LRP6: variants seen among roughly 807,000 people sequenced by gnomAD.
LRP6 encodes the protein LDL receptor related protein 6.
Under a neutral mutation model 184.1 loss-of-function variants are expected in LRP6, and 43 were observed. The observed-to-expected ratio is 0.23, with a 90% confidence interval of 0.18 to 0.30. The LOEUF (loss-of-function observed/expected upper bound fraction) is 0.30. Among genes scored for constraint, LRP6 ranks in the 10% least tolerant of loss-of-function variants. The pLI, the probability that LRP6 is intolerant of heterozygous loss-of-function variation, is 1.00. For synonymous variants in LRP6, 719 were observed against 684.9 expected (o/e 1.05, Z -0.78); for missense variants, 1,571 against 2,005.3 (o/e 0.78, Z 4.14).
chr12:12,265,244 A>G (rs1195841731), intron 1 of LRP6, among the ~76,000 whole-genome samples: 1 of 152,224 alleles, frequency 6.6e-6, no homozygotes, highest in East Asian at 1.9e-4. Flanking sequence ...CCTCTCCAGT[A>G]CGTAACACTT....
intron 3 of LRP6, among the ~76,000 whole-genome samples, chr12:12,193,843 C>G (rs1230437472): frequency 6.6e-6 from 1 of 152,046 alleles, no homozygotes; most frequent in Non-Finnish European, 1.5e-5. Flanking sequence ...TATCTTCCGA[C>G]TCTATGAGGC....
At position 12,196,254 on chromosome 12, in the gene LRP6, G is replaced by A. The variant is rs116840865; in HGVS notation, c.647+6949C>T. Among the ~76,000 whole-genome samples the A allele has an allele frequency of 4.5e-3, 687 of 151,570 alleles. 3 individuals carry two copies. The highest frequency in any genetic ancestry group is 7.6e-3 in the Non-Finnish European group (516 of 67,864). On this transcript the variant is annotated intron_variant, in intron 3 of 22. Transcript: ENST00000261349. ...AGAATGTCATTGGTATTTTAATAGG[G>A]ACTCCACTGAATCTGCAGGTTGCTT...
At chr12:12,168,938 A>G (rs1862956730) in intron 7 of LRP6, among the ~76,000 whole-genome samples, 1 of 152,122 alleles carries the variant, frequency 6.6e-6, no homozygotes, top group African/African-American at 2.4e-5. Context: ...TATTTCTGCA[A>G]TAAAACACGG....
In LRP6 at chr12:12,206,524, C is replaced by G. The variant is rs574810573; in HGVS notation, c.450-3124G>C. 4.6e-5 allele frequency among the ~76,000 whole-genome samples: 6 copies of G among 130,244 alleles called. No individual in the cohort carries two copies. In the South Asian group the frequency reaches 1.5e-3, roughly 33 times the overall value. The allele number at this position is 130,244 out of a possible 152,430, so 85.4% of individuals were successfully genotyped here. The stretch of plus-strand genomic sequence containing the variant: ...CGCCACTGCATTCCAGCCTGGGCAA[C>G]AGAGCGAGACTCCATCTCAAAAAAA... On this transcript the variant is annotated intron_variant, in intron 2 of 22. Coordinates refer to ENST00000261349, the MANE Select transcript of LRP6 (RefSeq NM_002336.3).
chr12:12,245,724 A>G (rs1027154974), intron 1 of LRP6, among the ~76,000 whole-genome samples: 3 of 152,340 alleles, frequency 2.0e-5, no homozygotes, highest in South Asian at 2.1e-4. Context: ...ATAACATTTA[A>G]CTTTGAGAAA....
At chr12:12,258,962 G>C (rs1469309082) in intron 1 of LRP6, among the ~76,000 whole-genome samples, 1 of 151,152 alleles carries the variant, frequency 6.6e-6, no homozygotes, top group Non-Finnish European at 1.5e-5. Context: ...CTATTTTCTT[G>C]GGAAAAAAAA....
At chr12:12,163,235 C>T (rs916434493) in intron 9 of LRP6, among the ~76,000 whole-genome samples, 1 of 152,170 alleles carries the variant, frequency 6.6e-6, no homozygotes, top group Non-Finnish European at 1.5e-5. Flanking sequence ...CTCAGCCTCC[C>T]AAAGTGCTGG....
intron 1 of LRP6, among the ~76,000 whole-genome samples, chr12:12,254,097 T>C (rs1317041715): frequency 2.1e-5 from 3 of 140,502 alleles, no homozygotes; most frequent in East Asian, 2.1e-4. Flanking sequence ...TGAGCCAAGA[T>C]TGTGCCATTG....
chr12:12,197,978 G>T (rs1375187066), intron 3 of LRP6, among the ~76,000 whole-genome samples: 1 of 152,232 alleles, frequency 6.6e-6, no homozygotes, highest in Non-Finnish European at 1.5e-5. Context: ...CCAAGAGGCA[G>T]AGGTTGCAGT....
At chr12:12,212,519 C>G (rs1269770064) in intron 2 of LRP6, among the ~76,000 whole-genome samples, 1 of 152,168 alleles carries the variant, frequency 6.6e-6, no homozygotes, top group Non-Finnish European at 1.5e-5. Context: ...TGCATCCCCA[C>G]CGCCCCCCTG....
At chr12:12,218,565 T>C (rs1864408508) in intron 2 of LRP6, among the ~76,000 whole-genome samples, 1 of 151,710 alleles carries the variant, frequency 6.6e-6, no homozygotes, top group Admixed American at 6.6e-5. Flanking sequence ...GATTTACAAG[T>C]GGTCAAAGCA....
intron 2 of LRP6, among the ~76,000 whole-genome samples, chr12:12,221,634 A>G (rs1323687423): frequency 6.6e-6 from 1 of 152,200 alleles, no homozygotes; most frequent in Admixed American, 6.5e-5. Context: ...TATTTTTTTA[A>G]CAGCTTCCCA....
intron 15 of LRP6, among the ~76,000 whole-genome samples, chr12:12,145,833 T>A (rs566106812): frequency 1.3e-5 from 2 of 151,866 alleles, no homozygotes; most frequent in Admixed American, 1.3e-4. Context: ...CATTTTGCCA[T>A]GTTGGCCAGG....
intron 6 of LRP6, 32 bp from the exon 7 acceptor site, chr12:12,180,013 T>C (rs1252850129): frequency 1.7e-5 from 26 of 1,568,502 alleles, no homozygotes; most frequent in African/African-American, 5.4e-5. Flanking sequence ...GAGCTAAAAA[T>C]AGATAATAAA....
rs981856147 is a variant in LRP6 at position 12,121,414 on chromosome 12, C to T, written c.4554G>A (p.Arg1518=). The part of the protein sequence containing the change: ...SPSTHRSYSY[R]PYSYRHFAPP... ...GTGCAAAGTGCCGGTAGCTATATGGCCTGTAGCTGGTATAGGGAGAAAATA... is the reference window on the plus strand; with the variant it reads ...GTGCAAAGTGCCGGTAGCTATATGGTCTGTAGCTGGTATAGGGAGAAAATA... The change falls in exon 23 of 23, where the codon AGG becomes AGA. Residue 1518 remains arginine (R), a synonymous_variant. Transcript: ENST00000261349. The T allele has an allele frequency of 1.9e-6, 3 of 1,613,838 alleles. No individual in the cohort carries two copies. Among genetic ancestry groups the T allele is most frequent in the Non-Finnish European group, 2.5e-6 (3 of 1,179,936 alleles).
intron 12 of LRP6, among the ~76,000 whole-genome samples, chr12:12,156,843 G>A (rs1862592796): frequency 6.6e-6 from 1 of 152,202 alleles, no homozygotes; most frequent in Non-Finnish European, 1.5e-5. Context: ...AACCAGAGTT[G>A]CATAGTTTAC....
chr12:12,234,058 G>A (rs529502270), intron 2 of LRP6, among the ~76,000 whole-genome samples: 1 of 152,246 alleles, frequency 6.6e-6, no homozygotes, highest in East Asian at 1.9e-4. Flanking sequence ...GGGAGGCCGA[G>A]GCAGGCGGAT....
At chr12:12,188,461 T>A (rs1025693227) in intron 3 of LRP6, among the ~76,000 whole-genome samples, 5 of 152,130 alleles carry the variant, frequency 3.3e-5, no homozygotes, top group Non-Finnish European at 7.3e-5. Context: ...TTAAGGAAGA[T>A]GATTCAATTT....
Position 12,160,056 on chromosome 12 carries a change from A to C in LRP6, c.2280-92T>G, listed in dbSNP as rs76304273. On this transcript the variant is annotated intron_variant, in intron 10 of 22. Transcript: ENST00000261349. ...ATGCAAAGTAACTAAATAAATTTAA[A>C]GAAAACATACAGCAAATCAAGGAAA... 4.8e-3 allele frequency: 4,518 copies of C among 933,240 alleles called. 137 individuals are homozygous for C. The African/African-American group carries it at 0.065, about 14-fold the overall frequency. The allele number at this position is 933,240 out of a possible 1,614,324, so 57.8% of individuals were successfully genotyped here.
Sources: allele counts gnomAD v4.1 joint callset (sites outside exome capture counted in the v4.1 genomes callset), GRCh38; gene constraint gnomAD v4.1.1; transcripts MANE v1.5; gene names NCBI Gene and HGNC (gene_info 2026-07-23, HGNC 2026-07-21).